The following ACBD5 variants were observed in gnomAD, a reference collection of about 807,000 sequenced individuals.
ACBD5 encodes acyl-CoA-binding domain-containing protein 5.
A neutral mutation model predicts 71.8 loss-of-function variants in ACBD5; 40 were observed. The observed-to-expected ratio is 0.56, with a 90% CI of 0.43 to 0.72. ACBD5 has a LOEUF of 0.72. Ranked by LOEUF, ACBD5 falls within the 30% of genes least tolerant of loss-of-function variation. ACBD5 has a pLI of 0.00. For synonymous variants in ACBD5, 229 were observed against 218.6 expected (o/e 1.05, Z -0.42); for missense variants, 559 against 644.5 (o/e 0.87, Z 1.44).
intron 12 of ACBD5, among the ~76,000 whole-genome samples, chr10:27,202,945 G>C (rs924847889): frequency 1.1e-4 from 15 of 140,496 alleles, no homozygotes; most frequent in Non-Finnish European, 2.1e-4. Flanking sequence ...GAAAAGAAAG[G>C]ATTTAAATTC....
upstream of ACBD5, among the ~76,000 whole-genome samples, chr10:27,241,369 G>A (rs1325750854): frequency 4.6e-5 from 7 of 152,174 alleles, no homozygotes; most frequent in Admixed American, 3.3e-4. Context: ...TGGGGACCTT[G>A]GATGGAGGTG....
At chr10:27,187,164 T>G (rs7924231) in intron 13 of ACBD5, among the ~76,000 whole-genome samples, 91,776 of 151,888 alleles carry the variant, frequency 0.6, 28,007 homozygotes, top group Non-Finnish European at 0.65. Context: ...GCCGGGCATG[T>G]TGGTGGGCGC....
At chr10:27,236,727 A>G (rs1458853309) in intron 2 of ACBD5, among the ~76,000 whole-genome samples, 1 of 151,922 alleles carries the variant, frequency 6.6e-6, no homozygotes, top group East Asian at 1.9e-4. Flanking sequence ...CGTCTCTACT[A>G]AAATACAAAA....
chr10:27,199,605 C>G (rs969866700), intron 12 of ACBD5, among the ~76,000 whole-genome samples: 1 of 152,186 alleles, frequency 6.6e-6, no homozygotes, highest in Non-Finnish European at 1.5e-5. Flanking sequence ...TCCTTCCCCT[C>G]CTCAGAAGCC....
intron 4 of ACBD5, among the ~76,000 whole-genome samples, chr10:27,224,333 C>G (rs2062743300): frequency 6.6e-6 from 1 of 152,004 alleles, no homozygotes; most frequent in South Asian, 2.1e-4. Context: ...GCCATGATCA[C>G]ACCACACTGC....
chr10:27,209,846 G>T (rs553566817), intron 9 of ACBD5, among the ~76,000 whole-genome samples: 11 of 152,164 alleles, frequency 7.2e-5, no homozygotes, highest in African/African-American at 2.4e-4. Context: ...CACTTAAATG[G>T]TTACATAAAT....
chr10:27,238,160 T>C (rs2065000083), intron 2 of ACBD5, among the ~76,000 whole-genome samples: 1 of 152,056 alleles, frequency 6.6e-6, no homozygotes, highest in African/African-American at 2.4e-5. Context: ...TTAGCCAGGA[T>C]GGTCTCAATC....
At chr10:27,206,587 C>T (rs1029012966) in intron 10 of ACBD5, among the ~76,000 whole-genome samples, 5 of 152,062 alleles carry the variant, frequency 3.3e-5, no homozygotes, top group Admixed American at 6.5e-5. Flanking sequence ...GTGATCTAGG[C>T]TCACTGCAAC....
chr10:27,225,553 A>T (rs992698493), intron 4 of ACBD5, among the ~76,000 whole-genome samples: 9 of 152,210 alleles, frequency 5.9e-5, no homozygotes, highest in Non-Finnish European at 2.9e-5. Flanking sequence ...GTACTGTGAA[A>T]GGAATGCTTT....
chr10:27,201,124 C>T (rs2059884374), intron 12 of ACBD5, among the ~76,000 whole-genome samples: 1 of 152,198 alleles, frequency 6.6e-6, no homozygotes, highest in South Asian at 2.1e-4. Flanking sequence ...GATTGTACCA[C>T]TACACTGCAG....
chr10:27,196,796 G>C lies in ACBD5; in HGVS notation c.*634C>G. The C allele has an allele frequency of 2.2e-6, 1 of 454,104 alleles. No individual in the cohort carries two copies. The highest frequency in any genetic ancestry group is 4.4e-6 in the Non-Finnish European group (1 of 226,782). 28.1% of individuals were successfully genotyped at this position (454,104 alleles called of 1,614,324 possible). On this transcript the variant is annotated 3_prime_UTR_variant, in exon 13 of 13. Transcript: ENST00000396271. ...GTTATGTCTAGCCTGCAAATCATTT[G>C]TAAAAACTCAGTCTGGTACATAGGA...
Position 27,215,580 on chromosome 10 carries a change from G to C in ACBD5, c.891C>G (p.Asp297Glu), listed in dbSNP as rs1003219729. Reference protein sequence around the residue: ...TGIQHLTSDSDSEVYCDSMEQ... With the variant: ...TGIQHLTSDSESEVYCDSMEQ... ...CCATAGAATCACAGTAAACTTCACT[G>C]TCTGAATCGCTTGTCAAATGCTGAA... The change falls in exon 8 of 13, where the codon GAC (aspartate) becomes GAG (glutamate). Residue 297 changes from aspartate (D) to glutamate (E), a missense_variant. Asp to Glu is a conservative substitution (Grantham distance 45). Coordinates refer to ENST00000396271, the MANE Select transcript of ACBD5 (RefSeq NM_145698.5). The C allele has an allele frequency of 6.2e-7, 1 of 1,613,474 alleles. No individual in the cohort carries two copies. Among genetic ancestry groups the C allele is most frequent in the African/African-American group, 1.3e-5 (1 of 74,894 alleles).
downstream of ACBD5, among the ~76,000 whole-genome samples, chr10:27,191,716 T>A (rs976348013): frequency 6.6e-6 from 1 of 152,086 alleles, no homozygotes; most frequent in African/African-American, 2.4e-5. Flanking sequence ...AAACCCCATC[T>A]CTACCAAAAA....
chr10:27,217,222 A>T (rs1020775903), intron 7 of ACBD5, among the ~76,000 whole-genome samples: 1 of 150,182 alleles, frequency 6.7e-6, no homozygotes. Flanking sequence ...TTGGGAGGCC[A>T]AGGCGGGTGG....
chr10:27,204,643 G>A, intron 11 of ACBD5, 94 bp from the exon 12 acceptor site: 1 of 862,416 alleles, frequency 1.2e-6, no homozygotes, highest in Non-Finnish European at 1.9e-6. Context: ...AAGTAGAAAA[G>A]AAAATTAGTA....
intron 7 of ACBD5, among the ~76,000 whole-genome samples, chr10:27,216,448 G>C (rs1348877138): frequency 2.0e-5 from 3 of 151,992 alleles, no homozygotes; most frequent in African/African-American, 4.8e-5. Flanking sequence ...GCCAACTTTT[G>C]TATTTTTAGT....
At chr10:27,228,824 T>A (rs1269273843) in intron 4 of ACBD5, among the ~76,000 whole-genome samples, 43 of 12,156 alleles carry the variant, frequency 3.5e-3, no homozygotes, top group African/African-American at 4.7e-3. Flanking sequence ...TATTTTTTTT[T>A]TTTTTTTTTT....
chr10:27,212,999 T>C (rs1340211521), intron 8 of ACBD5, among the ~76,000 whole-genome samples: 1 of 152,148 alleles, frequency 6.6e-6, no homozygotes, highest in Non-Finnish European at 1.5e-5. Context: ...AGGCAAAAGA[T>C]AAATGATTTT....
At chr10:27,216,951 C>T (rs2137316437) in intron 7 of ACBD5, among the ~76,000 whole-genome samples, 1 of 151,772 alleles carries the variant, frequency 6.6e-6, no homozygotes, top group African/African-American at 2.4e-5. Flanking sequence ...TCGAGACCAT[C>T]CTGGCTAACA....
Sources: allele counts gnomAD v4.1 joint callset (sites outside exome capture counted in the v4.1 genomes callset), GRCh38; gene constraint gnomAD v4.1.1; transcripts MANE v1.5; gene names NCBI Gene and HGNC (gene_info 2026-07-23, HGNC 2026-07-21).